EMP2: variants seen among roughly 807,000 people sequenced by gnomAD.
EMP2 encodes the protein epithelial membrane protein 2.
EMP2 carries 19 observed loss-of-function variants against 13.7 expected under a neutral mutation model. The observed-to-expected ratio is 1.38, with a 90% CI of 0.97 to 2.03. The LOEUF is 2.03. Among genes scored for constraint, EMP2 ranks in the 30% most tolerant of loss-of-function variants. The pLI is 0.00. For missense variants in EMP2, 253 were observed against 220.7 expected, an observed-to-expected ratio of 1.15 and a Z score of -0.93; for synonymous variants, 97 against 84.7, an observed-to-expected ratio of 1.15 and a Z score of -0.80.
chr16:10,569,112 C>G (rs746773212), intron 1 of EMP2, among the ~76,000 whole-genome samples: 3 of 152,068 alleles, frequency 2.0e-5, no homozygotes, highest in Admixed American at 6.5e-5. Flanking sequence ...CTAAGGTATA[C>G]TCTTGGGTGA....
intron 1 of EMP2, among the ~76,000 whole-genome samples, chr16:10,549,719 A>ACGCG (rs1366876605): frequency 1.8e-3 from 148 of 82,962 alleles, no homozygotes; most frequent in African/African-American, 7.3e-3. Flanking sequence ...ATGCACGCAC[A>ACGCG]CACACACACT....
intron 1 of EMP2, among the ~76,000 whole-genome samples, chr16:10,576,997 C>T (rs910882714): frequency 3.9e-5 from 6 of 152,154 alleles, no homozygotes; most frequent in Admixed American, 1.3e-4. Flanking sequence ...CACGGGAGCA[C>T]GGAAATCCAG....
chr16:10,560,459 G>A (rs143400120), intron 1 of EMP2, among the ~76,000 whole-genome samples: 259 of 152,306 alleles, frequency 1.7e-3, no homozygotes, highest in Middle Eastern at 6.8e-3. Context: ...CATCCAATTT[G>A]CAGGTGGCAG....
rs2050621444 is a variant in EMP2, at chr16:10,533,167, C to T, written c.317-75G>A. On this transcript the variant is annotated intron_variant, in intron 4 of 4. Coordinates refer to ENST00000359543, the MANE Select transcript of EMP2 (RefSeq NM_001424.6). ...CCTGGGTAGCCCAGGGGCATACGGC[C>T]AGAGTTGAAGACAAACTTCAGCTTT... 3 of 1,271,246 alleles carry T rather than the reference C, an allele frequency of 2.4e-6. No individual in the cohort carries two copies. The South Asian group carries it at 6.9e-5, about 29-fold the overall frequency. 78.7% of individuals were successfully genotyped at this position (1,271,246 alleles called of 1,614,324 possible). A position where few individuals can be genotyped will look rare whatever the true frequency, so the allele number is the denominator to read the frequency against.
chr16:10,546,732 A>T (rs1112724), intron 2 of EMP2: 81,195 of 151,992 alleles, frequency 0.53, 23,035 homozygotes, highest in African/African-American at 0.71. Flanking sequence ...GGGGTGGGGG[A>T]GCTACTGCAT....
chr16:10,541,935 G>A lies in EMP2; in HGVS notation c.169+1635C>T, dbSNP rs151266824. 1.4e-4 allele frequency among the ~76,000 whole-genome samples: 21 copies of A among 152,250 alleles called. 1 individual carries two copies. In the East Asian group the frequency reaches 3.9e-3, roughly 28 times the overall value. ...TCACAGTAAACTTTAAGTAAATGGTGCCTTCTACTGGTATTTTTGCTGCTT... is the reference window on the plus strand; with the variant it reads ...TCACAGTAAACTTTAAGTAAATGGTACCTTCTACTGGTATTTTTGCTGCTT... On this transcript the variant is annotated intron_variant, in intron 3 of 4. Transcript: ENST00000359543.
chr16:10,571,973 T>G (rs2050951419), intron 1 of EMP2, among the ~76,000 whole-genome samples: 1 of 152,240 alleles, frequency 6.6e-6, no homozygotes, highest in African/African-American at 2.4e-5. Context: ...ACCATCCATC[T>G]GAATTTCAAG....
chr16:10,574,940 AAAGTGGCAGCAGACTTG>A (rs1221426800), intron 1 of EMP2, among the ~76,000 whole-genome samples: 4 of 151,582 alleles, frequency 2.6e-5, no homozygotes, highest in Non-Finnish European at 5.9e-5. Context: ...CTGCATCCTC[AAAGTGGCAGCAGACTTG>A]AAGTGGCAGC....
At chr16:10,539,678 G>A (rs1412697521) in intron 3 of EMP2, among the ~76,000 whole-genome samples, 1 of 152,086 alleles carries the variant, frequency 6.6e-6, no homozygotes, top group Non-Finnish European at 1.5e-5. Context: ...GAGCCCTTAA[G>A]AAGCCTGCGT....
intron 3 of EMP2, among the ~76,000 whole-genome samples, chr16:10,541,444 A>C (rs1452163123): frequency 6.6e-6 from 1 of 152,098 alleles, no homozygotes; most frequent in Non-Finnish European, 1.5e-5. Flanking sequence ...AAAAATGTAA[A>C]AACTGTTCTT....
chr16:10,533,220 T>C (rs2050621861), intron 4 of EMP2, 128 bp from the exon 5 acceptor site: 6 of 990,454 alleles, frequency 6.1e-6, no homozygotes, highest in Non-Finnish European at 8.1e-6. Flanking sequence ...TATTTTGTTG[T>C]AGAGACAAGA....
intron 1 of EMP2, among the ~76,000 whole-genome samples, chr16:10,554,556 G>T (rs148564347): frequency 8.2e-4 from 125 of 152,274 alleles, no homozygotes; most frequent in African/African-American, 2.7e-3. Context: ...CAGTTCCCGG[G>T]GCTGTGTGTT....
At chr16:10,557,014 C>T (rs1211532328) in intron 1 of EMP2, among the ~76,000 whole-genome samples, 4 of 152,066 alleles carry the variant, frequency 2.6e-5, no homozygotes, top group African/African-American at 4.8e-5. Flanking sequence ...CTGGCCCATT[C>T]GCTAAGGTTG....
rs148756915 is a variant in EMP2 at position 10,538,007 on chromosome 16, G to A, written c.237C>T (p.Phe79=). The A allele has an allele frequency of 3.0e-5, 49 of 1,614,158 alleles. No homozygotes were observed. In the African/African-American group the frequency reaches 6.5e-4, roughly 22 times the overall value. ...ILSTILCCIA[F]FIFVLQLFRL... ...GGAAGAGCTGGAGCACGAAGATGAA[G>A]AAGGCGATGCAGCAGAGAATGGTGG... Residue 79 remains phenylalanine (F), a synonymous_variant, in exon 4 of 5, where the codon TTC becomes TTT. Transcript: ENST00000359543.
At chr16:10,552,281 A>C (rs1296187833) in intron 1 of EMP2, among the ~76,000 whole-genome samples, 1 of 152,196 alleles carries the variant, frequency 6.6e-6, no homozygotes, top group African/African-American at 2.4e-5. Flanking sequence ...TATGTTGTCC[A>C]GCTGGGATGA....
chr16:10,569,011 C>A (rs1426841962), intron 1 of EMP2, among the ~76,000 whole-genome samples: 5 of 152,106 alleles, frequency 3.3e-5, no homozygotes, highest in Non-Finnish European at 7.4e-5. Context: ...TGGTCTAGAA[C>A]TCCTGACCTC....
At chr16:10,565,517 C>A (rs1486019490) in intron 1 of EMP2, among the ~76,000 whole-genome samples, 1 of 152,186 alleles carries the variant, frequency 6.6e-6, no homozygotes, top group South Asian at 2.1e-4. Flanking sequence ...TTGAACTTGC[C>A]AGCCTCCATA....
intron 3 of EMP2, among the ~76,000 whole-genome samples, chr16:10,538,573 C>T (rs1030300039): frequency 1.3e-5 from 2 of 152,144 alleles, no homozygotes; most frequent in African/African-American, 4.8e-5. Flanking sequence ...TCTTCACGGT[C>T]ACTACTTACA....
rs147275747 is a variant in EMP2 at position 10,547,991 on chromosome 16, G to A, written c.-60-314C>T. Among the ~76,000 whole-genome samples, 220 of 152,162 alleles carry A rather than the reference G, an allele frequency of 1.4e-3. 1 individual carries two copies. The Middle Eastern group carries it at 0.027, about 19-fold the overall frequency. On this transcript the variant is annotated intron_variant, in intron 1 of 4. Transcript: ENST00000359543. ...TGAGGACGCAGTGAGCCATAATTGC[G>A]CCACTGCACTCCAGCCTGGGCAACA...
Sources: gnomAD v4.1 joint callset for allele counts (sites outside exome capture counted in the v4.1 genomes callset) on GRCh38, gnomAD v4.1.1 for gene constraint, MANE v1.5 for transcripts, NCBI Gene and HGNC (gene_info 2026-07-23, HGNC 2026-07-21) for gene names.